KCNN2: variants seen among roughly 807,000 people sequenced by gnomAD.
The protein encoded by KCNN2 is small conductance calcium-activated potassium channel protein 2.
KCNN2 carries 24 observed loss-of-function variants against 55.5 expected under a neutral mutation model. The observed-to-expected ratio is 0.43, with a 90% CI of 0.31 to 0.61. KCNN2 has a LOEUF of 0.61. Ranked by LOEUF, KCNN2 falls within the 20% of genes least tolerant of loss-of-function variation. The pLI is 0.08. For missense variants in KCNN2, 754 were observed against 853.6 expected (o/e 0.88, Z 1.45); for synonymous variants, 431 against 336.1 (o/e 1.28, Z -3.09).
intron 6 of KCNN2, among the ~76,000 whole-genome samples, chr5:114,492,232 G>C (rs184798720): frequency 2.0e-5 from 3 of 152,038 alleles, no homozygotes; most frequent in Admixed American, 1.3e-4. Flanking sequence ...CATTATGAAC[G>C]TATTACAAAA....
At chr5:114,324,204 A>C (rs914646140) in intron 2 of KCNN2, among the ~76,000 whole-genome samples, 2 of 152,204 alleles carry the variant, frequency 1.3e-5, no homozygotes, top group African/African-American at 4.8e-5. Flanking sequence ...AATATAAATT[A>C]AATAGTATTG....
intron 3 of KCNN2, among the ~76,000 whole-genome samples, chr5:114,437,374 G>A (rs1760045970): frequency 6.6e-6 from 1 of 152,072 alleles, no homozygotes; most frequent in Non-Finnish European, 1.5e-5. Flanking sequence ...GAATGCAAGT[G>A]TTATTTATTG....
intron 1 of KCNN2, among the ~76,000 whole-genome samples, chr5:114,159,184 C>A (rs567155138): frequency 1.3e-5 from 2 of 152,220 alleles, no homozygotes; most frequent in African/African-American, 4.8e-5. Flanking sequence ...CCCATCAATA[C>A]CTAATTTATT....
intron 1 of KCNN2, among the ~76,000 whole-genome samples, chr5:114,183,936 CA>C (rs1237696133): frequency 1.3e-5 from 2 of 151,934 alleles, no homozygotes; most frequent in African/African-American, 4.8e-5. Flanking sequence ...GGTGGAAAAT[CA>C]GGACATTGAG....
intron 1 of KCNN2, among the ~76,000 whole-genome samples, chr5:114,143,052 A>G (rs982255868): frequency 2.4e-4 from 37 of 152,198 alleles, no homozygotes; most frequent in African/African-American, 8.7e-4. Context: ...CACACAAGAT[A>G]GTGAAAGCTG....
intron 1 of KCNN2, among the ~76,000 whole-genome samples, chr5:114,187,041 T>C (rs537413562): frequency 6.6e-6 from 1 of 152,184 alleles, no homozygotes; most frequent in African/African-American, 2.4e-5. Context: ...TATATTATCA[T>C]TAATTAAGGT....
chr5:114,306,525 CA>C (rs1756275253), intron 2 of KCNN2, among the ~76,000 whole-genome samples: 1 of 152,010 alleles, frequency 6.6e-6, no homozygotes, highest in Admixed American at 6.6e-5. Flanking sequence ...CTTTACTGGT[CA>C]GAGAACAAAA....
chr5:114,303,669 C>T (rs1434816121), intron 2 of KCNN2, among the ~76,000 whole-genome samples: 1 of 151,990 alleles, frequency 6.6e-6, no homozygotes, highest in Non-Finnish European at 1.5e-5. Flanking sequence ...TGCAGTAGGT[C>T]CAGTAGCAAT....
At chr5:114,434,295 G>A (rs1007280237) in intron 3 of KCNN2, among the ~76,000 whole-genome samples, 5 of 151,242 alleles carry the variant, frequency 3.3e-5, no homozygotes, top group Non-Finnish European at 5.9e-5. Context: ...CTTTATTTTT[G>A]ATAGTGTTTT....
intron 2 of KCNN2, among the ~76,000 whole-genome samples, chr5:114,245,889 C>G (rs1225680522): frequency 2.0e-5 from 3 of 152,162 alleles, no homozygotes; most frequent in African/African-American, 4.8e-5. Context: ...CTGCCTCTAC[C>G]TTATCACCCA....
At chr5:114,428,726 C>T (rs1287677863) in intron 3 of KCNN2, among the ~76,000 whole-genome samples, 1 of 152,080 alleles carries the variant, frequency 6.6e-6, no homozygotes, top group East Asian at 1.9e-4. Context: ...TCCCTTTCTT[C>T]TCTATTCTGC....
At chr5:114,264,185 T>C (rs1018470153) in intron 2 of KCNN2, among the ~76,000 whole-genome samples, 2 of 152,196 alleles carry the variant, frequency 1.3e-5, no homozygotes, top group African/African-American at 4.8e-5. Context: ...AGTTTTTCCA[T>C]CCTTTCCATC....
intron 2 of KCNN2, among the ~76,000 whole-genome samples, chr5:114,385,784 T>C (rs1758262889): frequency 6.6e-6 from 1 of 151,976 alleles, no homozygotes; most frequent in Non-Finnish European, 1.5e-5. Flanking sequence ...TAATGTATGA[T>C]AAATAATGAT....
intron 1 of KCNN2, among the ~76,000 whole-genome samples, chr5:114,208,690 C>T (rs1341665281): frequency 6.6e-6 from 1 of 152,132 alleles, no homozygotes; most frequent in Non-Finnish European, 1.5e-5. Flanking sequence ...CAGTCCTCAG[C>T]CTAAAAAATC....
At chr5:114,377,627 A>G (rs1395143574) in intron 2 of KCNN2, among the ~76,000 whole-genome samples, 3 of 152,164 alleles carry the variant, frequency 2.0e-5, no homozygotes, top group Admixed American at 1.3e-4. Context: ...TTCTATCTAG[A>G]CAGACATTTG....
intron 2 of KCNN2, among the ~76,000 whole-genome samples, chr5:114,227,784 G>C (rs377672684): frequency 6.6e-6 from 1 of 152,074 alleles, no homozygotes; most frequent in Non-Finnish European, 1.5e-5. Flanking sequence ...TGTAAAGAAG[G>C]ATTATAATTC....
rs1009226787 is a variant in KCNN2, at chr5:114,122,703, A to G, written c.-271+66203A>G. 3.3e-5 allele frequency among the ~76,000 whole-genome samples: 5 copies of G among 152,170 alleles called. No homozygotes were observed. In the East Asian group the frequency reaches 9.7e-4, roughly 29 times the overall value. On this transcript the variant is annotated intron_variant, in intron 1 of 10. Transcript: ENST00000512097. ...GCTGGAATTAATTCTCCCCAACAAA[A>G]AAGGAGAGGAATATGAAGCACCCTA...
At chr5:114,330,330 T>C (rs1756793547) in intron 2 of KCNN2, among the ~76,000 whole-genome samples, 1 of 152,216 alleles carries the variant, frequency 6.6e-6, no homozygotes, top group East Asian at 1.9e-4. Flanking sequence ...ACACACTCAT[T>C]CCTAACGGAG....
chr5:114,303,631 G>C (rs113695300), intron 2 of KCNN2, among the ~76,000 whole-genome samples: 7 of 152,276 alleles, frequency 4.6e-5, no homozygotes, highest in African/African-American at 1.7e-4. Flanking sequence ...CTTGTGCATA[G>C]GGTTAAGGAG....
Sources: gnomAD v4.1 joint callset for allele counts (sites outside exome capture counted in the v4.1 genomes callset) on GRCh38, gnomAD v4.1.1 for gene constraint, MANE v1.5 for transcripts, NCBI Gene and HGNC (gene_info 2026-07-23, HGNC 2026-07-21) for gene names.